PPIE: variants seen among roughly 807,000 people sequenced by gnomAD.
The protein encoded by PPIE is peptidylprolyl isomerase E.
In PPIE, 20 loss-of-function variants were observed where a neutral mutation model predicts 38.4. The ratio of observed to expected loss-of-function variants is 0.52; its 90% CI spans 0.37 to 0.76. The LOEUF is 0.76. Ranked by LOEUF, PPIE falls within the 30% of genes least tolerant of loss-of-function variation. The pLI, the probability that PPIE is intolerant of heterozygous loss-of-function variation, is 0.00. For missense variants in PPIE, 322 were observed against 385.8 expected (o/e 0.83, Z 1.39); for synonymous variants, 142 against 135.7 (o/e 1.05, Z -0.32).
At chr1:39,752,844 T>G in intron 8 of PPIE, 66 bp from the exon 9 acceptor site, 2 of 1,561,150 alleles carry the variant, frequency 1.3e-6, no homozygotes, top group Non-Finnish European at 1.7e-6. Flanking sequence ...GTCAACAGCC[T>G]GCACAGACGT....
Position 39,756,078 on chromosome 1 carries a change from G to T in PPIE, c.*2723G>T, listed in dbSNP as rs1648238015. The T allele has an allele frequency of 2.0e-6, 2 of 985,426 alleles. No homozygotes were observed. Among genetic ancestry groups the T allele is most frequent in the Non-Finnish European group, 2.4e-6 (2 of 829,938 alleles). The allele number at this position is 985,426 out of a possible 1,614,324, so 61.0% of individuals were successfully genotyped here. On this transcript the variant is annotated 3_prime_UTR_variant, in exon 10 of 10. Coordinates refer to ENST00000324379, the MANE Select transcript of PPIE (RefSeq NM_006112.4). ...AAGACCCTGCTCTTCCAGGCCAGAAGGGAGGGGAGCCCCAGAGCTGGGCAG... is the reference window on the plus strand; with the variant it reads ...AAGACCCTGCTCTTCCAGGCCAGAATGGAGGGGAGCCCCAGAGCTGGGCAG...
chr1:39,752,926 C>T lies in PPIE; in HGVS notation c.711C>T (p.Ala237=), dbSNP rs139269793. 6.2e-7 allele frequency: 1 copy of T among 1,613,682 alleles called. No individual in the cohort carries two copies. Among genetic ancestry groups the T allele is most frequent in the African/African-American group, 1.3e-5 (1 of 74,914 alleles). ...KHTGPGLLSM[A]NSGPNTNGSQ... ...CTCCCTCAGGTCTACTATCCATGGCCAACTCTGGCCCAAACACCAATGGCT... is the reference window on the plus strand; with the variant it reads ...CTCCCTCAGGTCTACTATCCATGGCTAACTCTGGCCCAAACACCAATGGCT... The change falls in exon 9 of 10, where the codon GCC becomes GCT. Residue 237 remains alanine (A), a synonymous_variant. Coordinates refer to ENST00000324379, the MANE Select transcript of PPIE (RefSeq NM_006112.4).
intron 2 of PPIE, 101 bp from the exon 3 acceptor site, chr1:39,741,265 G>A: frequency 1.1e-6 from 1 of 941,570 alleles, no homozygotes; most frequent in Non-Finnish European, 1.7e-6. Flanking sequence ...AGAACTTCTG[G>A]TGTTTGGATA....
intron 8 of PPIE, among the ~76,000 whole-genome samples, chr1:39,752,014 A>T (rs1177123777): frequency 6.6e-6 from 1 of 152,074 alleles, no homozygotes; most frequent in African/African-American, 2.4e-5. Flanking sequence ...AGGTGAGAGG[A>T]TTGCTTGTGC....
At position 39,756,540 on chromosome 1, in the gene PPIE, CA is replaced by C. The variant is rs1648291566; in HGVS notation, c.*3186del. 13 of 985,434 alleles carry C rather than the reference CA, an allele frequency of 1.3e-5. No homozygotes were observed. Among genetic ancestry groups the C allele is most frequent in the Non-Finnish European group, 1.6e-5 (13 of 829,940 alleles). 61.0% of individuals were successfully genotyped at this position (985,434 alleles called of 1,614,324 possible). On this transcript the variant is annotated 3_prime_UTR_variant, in exon 10 of 10. Coordinates refer to ENST00000324379, the MANE Select transcript of PPIE (RefSeq NM_006112.4). ...CTCCCAGCATCTGTTGCAGTCATGG[CA>C]GCCTCACGGCAACCTCTGAAGAAGG...
chr1:39,750,001 C>T (rs1437812022), intron 8 of PPIE, among the ~76,000 whole-genome samples: 1 of 152,016 alleles, frequency 6.6e-6, no homozygotes, highest in Non-Finnish European at 1.5e-5. Flanking sequence ...GGCGTGGTGG[C>T]GCGTGCCTGT....
intron 5 of PPIE, among the ~76,000 whole-genome samples, 183 bp from the exon 6 acceptor site, chr1:39,743,641 A>G (rs1281758344): frequency 6.6e-6 from 1 of 152,168 alleles, no homozygotes; most frequent in East Asian, 1.9e-4. Context: ...CCTTAGCCCT[A>G]CTGAGAGCTG....
intron 8 of PPIE, among the ~76,000 whole-genome samples, chr1:39,752,417 G>A (rs1022624449): frequency 6.6e-6 from 1 of 152,096 alleles, no homozygotes; most frequent in East Asian, 1.9e-4. Context: ...CCACTTAGCC[G>A]CTTGATCAGA....
Position 39,756,092 on chromosome 1 carries a change from A to G in PPIE, c.*2737A>G. The G allele has an allele frequency of 3.0e-6, 3 of 985,436 alleles. No individual in the cohort carries two copies. The highest frequency in any genetic ancestry group is 3.6e-6 in the Non-Finnish European group (3 of 829,920). 61.0% of individuals were successfully genotyped at this position (985,436 alleles called of 1,614,324 possible). ...CCAGGCCAGAAGGGAGGGGAGCCCC[A>G]GAGCTGGGCAGTGGCATGCCCCACA... On this transcript the variant is annotated 3_prime_UTR_variant, in exon 10 of 10. Transcript: ENST00000324379.
At chr1:39,751,951 A>G (rs1647776999) in intron 8 of PPIE, among the ~76,000 whole-genome samples, 1 of 151,994 alleles carries the variant, frequency 6.6e-6, no homozygotes, top group African/African-American at 2.4e-5. Context: ...AAGAATAAAA[A>G]AATTATCCAG....
At chr1:39,740,912 C>T (rs1225502877) in intron 2 of PPIE, among the ~76,000 whole-genome samples, 2 of 152,198 alleles carry the variant, frequency 1.3e-5, no homozygotes, top group African/African-American at 2.4e-5. Flanking sequence ...CTATGATAAA[C>T]ATTATTGTGC....
In PPIE at chr1:39,753,495, C is replaced by T. The variant is rs980477751; in HGVS notation, c.*140C>T. ...GATATGTGCCCTTCCTCAGGGTCTG[C>T]TTGGAGCAGCTCCTCTGCAGGCACA... On this transcript the variant is annotated 3_prime_UTR_variant, in exon 10 of 10. Coordinates refer to ENST00000324379, the MANE Select transcript of PPIE (RefSeq NM_006112.4). The T allele has an allele frequency of 1.4e-6, 2 of 1,457,022 alleles. No individual in the cohort carries two copies. The highest frequency in any genetic ancestry group is 2.8e-5 in the African/African-American group (2 of 70,668). The allele number at this position is 1,457,022 out of a possible 1,614,324, so 90.3% of individuals were successfully genotyped here. A position where few individuals can be genotyped will look rare whatever the true frequency, so the allele number is the denominator to read the frequency against.
chr1:39,745,416 G>A lies in PPIE; in HGVS notation c.426G>A (p.Val142=). Reference sequence around the variant, plus strand: ...AAAAGGCCCGCTCAAATCCTCAGGTGTACATGGACATCAAGATTGGGAACA... The same window carrying A: ...AAAAGGCCCGCTCAAATCCTCAGGTATACATGGACATCAAGATTGGGAACA... The part of the protein sequence containing the change: ...IAKKARSNPQ[V]YMDIKIGNKP... Residue 142 remains valine (V), a synonymous_variant, in exon 7 of 10, where the codon GTG becomes GTA. Coordinates refer to ENST00000324379, the MANE Select transcript of PPIE (RefSeq NM_006112.4). The A allele has an allele frequency of 1.2e-6, 2 of 1,614,250 alleles. No individual in the cohort carries two copies. Among genetic ancestry groups the A allele is most frequent in the African/African-American group, 1.3e-5 (1 of 75,072 alleles).
At position 39,756,385 on chromosome 1, in the gene PPIE, G is replaced by A. The variant is rs1648274222; in HGVS notation, c.*3030G>A. 2.0e-6 allele frequency: 2 copies of A among 985,240 alleles called. No individual in the cohort carries two copies. Among genetic ancestry groups the A allele is most frequent in the Non-Finnish European group, 2.4e-6 (2 of 829,938 alleles). 61.0% of individuals were successfully genotyped at this position (985,240 alleles called of 1,614,324 possible). On this transcript the variant is annotated 3_prime_UTR_variant, in exon 10 of 10. Transcript: ENST00000324379. Reference sequence around the variant, plus strand: ...TCCCCCCTAACTCATTCAGAGTTGAGCCCCATCTGAGTCCCCACATGCTGG... The same window carrying A: ...TCCCCCCTAACTCATTCAGAGTTGAACCCCATCTGAGTCCCCACATGCTGG...
Position 39,738,944 on chromosome 1 carries a change from G to C in PPIE, c.31+13G>C. On this transcript the variant is annotated intron_variant, in intron 1 of 9. Coordinates refer to ENST00000324379, the MANE Select transcript of PPIE (RefSeq NM_006112.4). ...GTCTTGTACGTGGGTGAGCAGGAGGGGTTGCTAGGCGGAGTCTGAGTGAAC... is the reference window on the plus strand; with the variant it reads ...GTCTTGTACGTGGGTGAGCAGGAGGCGTTGCTAGGCGGAGTCTGAGTGAAC... 6.8e-7 allele frequency: 1 copy of C among 1,472,456 alleles called. No individual in the cohort carries two copies. Among genetic ancestry groups the C allele is most frequent in the Non-Finnish European group, 9.0e-7 (1 of 1,110,128 alleles). The allele number at this position is 1,472,456 out of a possible 1,614,324, so 91.2% of individuals were successfully genotyped here. A position where few individuals can be genotyped will look rare whatever the true frequency, so the allele number is the denominator to read the frequency against.
At chr1:39,750,098 A>G (rs1647559614) in intron 8 of PPIE, among the ~76,000 whole-genome samples, 1 of 151,706 alleles carries the variant, frequency 6.6e-6, no homozygotes, top group Non-Finnish European at 1.5e-5. Flanking sequence ...GCACCATTGC[A>G]CTCCAGCCTG....
At chr1:39,743,568 G>A (rs918418822) in intron 5 of PPIE, among the ~76,000 whole-genome samples, 2 of 152,112 alleles carry the variant, frequency 1.3e-5, no homozygotes, top group African/African-American at 4.8e-5. Flanking sequence ...TTCCATTCCT[G>A]GGGTCTCCAT....
At position 39,755,309 on chromosome 1, in the gene PPIE, T is replaced by G; in HGVS notation, c.*1954T>G. Reference sequence around the variant, plus strand: ...GGCAGGAGAGGCTAGGTGGTCCTCATGACCCTAGGATAGCTCTTGCTGAGG... The same window carrying G: ...GGCAGGAGAGGCTAGGTGGTCCTCAGGACCCTAGGATAGCTCTTGCTGAGG... On this transcript the variant is annotated 3_prime_UTR_variant, in exon 10 of 10. Coordinates refer to ENST00000324379, the MANE Select transcript of PPIE (RefSeq NM_006112.4). 1 of 985,488 alleles carries G rather than the reference T, an allele frequency of 1.0e-6. No homozygotes were observed. The highest frequency in any genetic ancestry group is 4.7e-5 in the South Asian group (1 of 21,288). 61.0% of individuals were successfully genotyped at this position (985,488 alleles called of 1,614,324 possible).
At chr1:39,749,705 G>A (rs994313873) in intron 8 of PPIE, among the ~76,000 whole-genome samples, 1 of 152,124 alleles carries the variant, frequency 6.6e-6, no homozygotes, top group African/African-American at 2.4e-5. Flanking sequence ...CTCCACCTGT[G>A]GACTGGATCC....
Sources: gnomAD v4.1 joint callset for allele counts (sites outside exome capture counted in the v4.1 genomes callset) on GRCh38, gnomAD v4.1.1 for gene constraint, MANE v1.5 for transcripts, NCBI Gene and HGNC (gene_info 2026-07-23, HGNC 2026-07-21) for gene names.